SPTBN5: variants seen among roughly 807,000 people sequenced by gnomAD.
SPTBN5 encodes spectrin beta chain, non-erythrocytic 5.
SPTBN5 carries 513 observed loss-of-function variants against 477.6 expected under a neutral mutation model. The ratio of observed to expected loss-of-function variants is 1.07; its 90% CI spans 1.00 to 1.16. The LOEUF (loss-of-function observed/expected upper bound fraction) is 1.16. Ranked by LOEUF, SPTBN5 falls within the 50% of genes most tolerant of loss-of-function variation. The pLI, the probability that SPTBN5 is intolerant of heterozygous loss-of-function variation, is 0.00. For missense variants in SPTBN5, 5,062 were observed against 4,731.8 expected, an observed-to-expected ratio of 1.07 and a Z score of -2.05; for synonymous variants, 2,169 against 2,011.7, an observed-to-expected ratio of 1.08 and a Z score of -2.09.
At position 41,881,251 on chromosome 15, in the gene SPTBN5, A is replaced by G. The variant is rs2066940720; in HGVS notation, c.2458-17T>C. 1 of 1,589,590 alleles carries G rather than the reference A, an allele frequency of 6.3e-7. No individual in the cohort carries two copies. Among genetic ancestry groups the G allele is most frequent in the Non-Finnish European group, 8.6e-7 (1 of 1,168,836 alleles). The stretch of plus-strand genomic sequence containing the variant: ...AGAGTTCACCTGTGTGACAAAGGGC[A>G]GCGCGTCTACAGGCGACCCCATCAA... On this transcript the variant is annotated splice_polypyrimidine_tract_variant and intron_variant, in intron 12 of 67. Coordinates refer to ENST00000320955, the MANE Select transcript of SPTBN5 (RefSeq NM_016642.4).
At chr15:41,852,771 G>A (rs202081935) in intron 60 of SPTBN5, 36 bp from the exon 61 acceptor site, 141 of 1,570,108 alleles carry the variant, frequency 9.0e-5, no homozygotes, top group Middle Eastern at 1.7e-4. Context: ...GCCCAGCTTG[G>A]GGGGGGGGGC....
In SPTBN5 at chr15:41,853,699, C is replaced by A; in HGVS notation, c.9863G>T (p.Gly3288Val). ...CCAGGCCTCCTGCACCTTGGCCAGG[C>A]CCCCCGGAGCTGCAGGATGTAGCTG... The part of the protein sequence containing the change: ...LGQLHPAAPG[G>V]LAKVQEAWAT... Residue 3288 changes from glycine (G) to valine (V), a missense_variant, in exon 58 of 68, where the codon GGC (glycine) becomes GTC (valine). By Grantham distance (109) the Gly-to-Val change is moderately radical. Transcript: ENST00000320955. 6 of 1,597,060 alleles carry A rather than the reference C, an allele frequency of 3.8e-6. No individual in the cohort carries two copies. Among genetic ancestry groups the A allele is most frequent in the African/African-American group, 1.3e-5 (1 of 74,870 alleles).
intron 59 of SPTBN5, 30 bp from the exon 60 acceptor site, chr15:41,853,030 G>A (rs1179706277): frequency 2.0e-6 from 3 of 1,484,612 alleles, no homozygotes; most frequent in South Asian, 1.4e-5. Context: ...ATGGGTGACA[G>A]CTTGGGTAGG....
At chr15:41,852,595 C>T (rs374095686) in intron 61 of SPTBN5, 39 bp downstream of exon 61, 37 of 1,588,002 alleles carry the variant, frequency 2.3e-5, no homozygotes, top group Admixed American at 1.7e-5. Flanking sequence ...GGGACTGTTC[C>T]CCCACCAGCC....
intron 61 of SPTBN5, 32 bp downstream of exon 61, chr15:41,852,602 A>G: frequency 1.3e-6 from 2 of 1,595,000 alleles, no homozygotes; most frequent in Non-Finnish European, 1.7e-6. Flanking sequence ...TTCCCCCACC[A>G]GCCCTCAGCC....
At position 41,856,553 on chromosome 15, in the gene SPTBN5, C is replaced by T. The variant is rs563847244; in HGVS notation, c.8854G>A (p.Val2952Met). The change falls in exon 53 of 68, where the codon GTG (valine) becomes ATG (methionine). Residue 2952 changes from valine to methionine, a missense_variant. Coordinates refer to ENST00000320955, the MANE Select transcript of SPTBN5 (RefSeq NM_016642.4). ...ACCAGCTTGTACCCAGTGCCCAGCA[C>T]CACCCGGGTCAGAGCCTCGTGGCTG... ...MSSHEALTRV[V>M]LGTGYKLVQA... The T allele has an allele frequency of 2.2e-5, 35 of 1,601,198 alleles. No homozygotes were observed. The South Asian group carries it at 3.1e-4, about 14-fold the overall frequency.
chr15:41,850,373 G>GAA (rs1026853500), intron 66 of SPTBN5: 12 of 241,700 alleles, frequency 5.0e-5, no homozygotes, highest in Middle Eastern at 1.4e-3. Context: ...GACCACGGAA[G>GAA]AAAGTCCAAA....
intron 27 of SPTBN5, 41 bp from the exon 28 acceptor site, chr15:41,871,958 A>C (rs1019656599): frequency 4.7e-6 from 7 of 1,477,946 alleles, no homozygotes; most frequent in South Asian, 1.4e-5. Flanking sequence ...TGAGTTGCCC[A>C]CCCCCCTGGG....
At position 41,883,120 on chromosome 15, in the gene SPTBN5, T is replaced by C; in HGVS notation, c.1768A>G (p.Ser590Gly). The C allele has an allele frequency of 6.2e-7, 1 of 1,612,176 alleles. No individual in the cohort carries two copies. The highest frequency in any genetic ancestry group is 8.5e-7 in the Non-Finnish European group (1 of 1,179,514). ...AQVSAHGAHVSHLAQQTAELD... is the reference protein window; with the variant it reads ...AQVSAHGAHVGHLAQQTAELD... ...TCTGCTGTCTGCTGAGCAAGATGGC[T>C]CACATGGGCTCCGTGGGCCGAGACT... Residue 590 changes from serine to glycine, a missense_variant, in exon 9 of 68, where the codon AGC (serine) becomes GGC (glycine). Coordinates refer to ENST00000320955, the MANE Select transcript of SPTBN5 (RefSeq NM_016642.4).
rs369712436 is a variant in SPTBN5 at position 41,886,199 on chromosome 15, G to A, written c.1056C>T (p.Arg352=). 8.1e-6 allele frequency: 13 copies of A among 1,613,058 alleles called. No homozygotes were observed. The highest frequency in any genetic ancestry group is 1.7e-4 in the Middle Eastern group (1 of 6,060). ...GTAGCCGGGGTGGCTTCTCCTGGGTGCGGAAGATGGTGAATGCTGCCAGTA... is the reference window on the plus strand; with the variant it reads ...GTAGCCGGGGTGGCTTCTCCTGGGTACGGAAGATGGTGAATGCTGCCAGTA... ...RQLLAAFTIF[R]TQEKPPRLQQ... is the part of the protein sequence containing the mutation. Residue 352 remains arginine (R), a synonymous_variant, in exon 7 of 68, where the codon CGC becomes CGT. Transcript: ENST00000320955.
intron 32 of SPTBN5, 22 bp downstream of exon 32, chr15:41,869,819 C>T (rs1468275811): frequency 7.8e-6 from 12 of 1,536,370 alleles, no homozygotes; most frequent in Non-Finnish European, 8.7e-6. Flanking sequence ...ACACACACCA[C>T]CCAAAGGGCA....
At chr15:41,892,873 A>G in intron 3 of SPTBN5, 21 bp downstream of exon 3, 1 of 1,579,876 alleles carries the variant, frequency 6.3e-7, no homozygotes, top group Non-Finnish European at 8.6e-7. Context: ...ACCATCCCAG[A>G]CCCCTTTCCC....
At position 41,867,083 on chromosome 15, in the gene SPTBN5, C is replaced by G. The variant is rs759030759; in HGVS notation, c.6356G>C (p.Arg2119Pro). Residue 2119 changes from arginine to proline, a missense_variant, in exon 36 of 68, where the codon CGG becomes CCG. By Grantham distance (103) the Arg-to-Pro change is moderately radical. Coordinates refer to ENST00000320955, the MANE Select transcript of SPTBN5 (RefSeq NM_016642.4). Reference protein sequence around the residue: ...RERLKTLRRPRVRDRLPILLQ... With the variant: ...RERLKTLRRPPVRDRLPILLQ... ...CAGGATGGGAAGCCGGTCCCGCACC[C>G]GGGGGCGCCGGAGCGTCTTCAGCCG... The G allele has an allele frequency of 6.5e-7, 1 of 1,545,812 alleles. No individual in the cohort carries two copies.
At position 41,878,406 on chromosome 15, in the gene SPTBN5, A is replaced by T; in HGVS notation, c.3406T>A (p.Ser1136Thr). The part of the protein sequence containing the change: ...RSKEVSVDVA[S>T]AQRLLREHQD... Reference sequence around the variant, plus strand: ...TGCTCCCTCAGCAGCCGCTGAGCCGAGGCCACATCCACTGACACCTCCTTG... The same window carrying T: ...TGCTCCCTCAGCAGCCGCTGAGCCGTGGCCACATCCACTGACACCTCCTTG... Residue 1136 changes from serine to threonine, a missense_variant, in exon 17 of 68, where the codon TCG (serine) becomes ACG (threonine). Ser to Thr is a moderately conservative substitution (Grantham distance 58). Transcript: ENST00000320955. The T allele has an allele frequency of 6.2e-7, 1 of 1,613,716 alleles. No homozygotes were observed. The highest frequency in any genetic ancestry group is 8.5e-7 in the Non-Finnish European group (1 of 1,179,874).
At position 41,882,709 on chromosome 15, in the gene SPTBN5, C is replaced by T. The variant is rs1383610192; in HGVS notation, c.1922G>A (p.Arg641Gln). ...CTCACAGTTGCGCAGGAACTCTGCC[C>T]GCTGCAGGGTCTGCTCCAGCAGGGC... ...RRALLEQTLQ[R>Q]AEFLRNCEEE... Residue 641 changes from arginine (R) to glutamine (Q), a missense_variant, in exon 10 of 68, where the codon CGG (arginine) becomes CAG (glutamine). Transcript: ENST00000320955. 1 of 1,609,818 alleles carries T rather than the reference C, an allele frequency of 6.2e-7. No homozygotes were observed. Among genetic ancestry groups the T allele is most frequent in the African/African-American group, 1.3e-5 (1 of 74,894 alleles).
chr15:41,857,829 C>A, intron 49 of SPTBN5, 119 bp from the exon 50 acceptor site: 2 of 1,221,994 alleles, frequency 1.6e-6, no homozygotes, highest in South Asian at 1.5e-5. Flanking sequence ...GCTGCATGAT[C>A]TTGAGCAACT....
In SPTBN5 at chr15:41,869,970, C is replaced by A. The variant is rs1184054038; in HGVS notation, c.5724G>T (p.Gly1908=). The change falls in exon 32 of 68, where the codon GGG becomes GGT. Residue 1908 remains glycine, a synonymous_variant. Coordinates refer to ENST00000320955, the MANE Select transcript of SPTBN5 (RefSeq NM_016642.4). ...TAGRVQKLCP[G]PQAHAVQQRQ... ...TCTGCTGCACCGCATGGGCCTGAGG[C>A]CCCGGACACAGCTTCTGCACCCTGC... 1 of 1,539,020 alleles carries A rather than the reference C, an allele frequency of 6.5e-7. No individual in the cohort carries two copies. The highest frequency in any genetic ancestry group is 8.8e-7 in the Non-Finnish European group (1 of 1,141,118).
intron 39 of SPTBN5, 40 bp downstream of exon 39, chr15:41,865,768 G>C (rs750771644): frequency 7.3e-6 from 11 of 1,509,614 alleles, no homozygotes; most frequent in Non-Finnish European, 3.6e-6. Context: ...TTTTCAGTGC[G>C]GGATGCATGG....
In SPTBN5 at chr15:41,862,497, C is replaced by A. The variant is rs758831471; in HGVS notation, c.7385+42G>T. The A allele has an allele frequency of 2.5e-6, 4 of 1,570,242 alleles. No individual in the cohort carries two copies. The Admixed American group carries it at 7.2e-5, about 28-fold the overall frequency. On this transcript the variant is annotated intron_variant, in intron 43 of 67. Coordinates refer to ENST00000320955, the MANE Select transcript of SPTBN5 (RefSeq NM_016642.4). ...GAGGGGAGGTGTGGGGACTGAGATG[C>A]TGGAGGATGGGTCGGCGAGGGCAAG...
Sources: gnomAD v4.1 joint callset for allele counts on GRCh38, gnomAD v4.1.1 for gene constraint, MANE v1.5 for transcripts, NCBI Gene and HGNC (gene_info 2026-07-23, HGNC 2026-07-21) for gene names.